AKAP12: variants seen among roughly 807,000 people sequenced by gnomAD.
AKAP12 encodes the protein A-kinase anchor protein 12.
Under a neutral mutation model 79.9 loss-of-function variants are expected in AKAP12, and 32 were observed. The ratio of observed to expected loss-of-function variants is 0.40; its 90% CI spans 0.30 to 0.54. The LOEUF (loss-of-function observed/expected upper bound fraction) is 0.54. AKAP12 is among the 20% of genes least tolerant of loss of function. AKAP12 has a pLI of 0.48. For missense variants in AKAP12, 2,074 were observed against 2,177.0 expected, an observed-to-expected ratio of 0.95 and a Z score of 0.94; for synonymous variants, 808 against 857.0, an observed-to-expected ratio of 0.94 and a Z score of 1.00.
At chr6:151,354,840 C>T (rs1483354059) in intron 4 of AKAP12, among the ~76,000 whole-genome samples, 3 of 152,014 alleles carry the variant, frequency 2.0e-5, no homozygotes, top group Admixed American at 6.6e-5. Flanking sequence ...GTCATTACTC[C>T]GAGCTAATTG....
chr6:151,268,287 C>T (rs543379692), intron 2 of AKAP12, among the ~76,000 whole-genome samples: 124 of 152,148 alleles, frequency 8.1e-4, no homozygotes, highest in African/African-American at 2.9e-3. Context: ...CGTGGTGGCA[C>T]GTGCCTGTAA....
chr6:151,253,042 G>C (rs1183727326), intron 2 of AKAP12, among the ~76,000 whole-genome samples: 2 of 152,134 alleles, frequency 1.3e-5, no homozygotes, highest in Non-Finnish European at 2.9e-5. Context: ...ATTTTTCTTT[G>C]TGTCTGAGCC....
At chr6:151,276,406 A>G (rs1172699688) in intron 2 of AKAP12, among the ~76,000 whole-genome samples, 1 of 152,220 alleles carries the variant, frequency 6.6e-6, no homozygotes, top group African/African-American at 2.4e-5. Context: ...TGATTAAGAC[A>G]TTTTCATAGC....
At chr6:151,324,046 G>A (rs1478221451) in intron 3 of AKAP12, 1 of 985,322 alleles carries the variant, frequency 1.0e-6, no homozygotes, top group Non-Finnish European at 1.2e-6. Context: ...GAGAGGAATG[G>A]CCAAGTTGCC....
In AKAP12 at chr6:151,348,947, A is replaced by T; in HGVS notation, c.556A>T (p.Lys186Ter). 1.9e-6 allele frequency: 3 copies of T among 1,614,056 alleles called. No homozygotes were observed. Among genetic ancestry groups the T allele is most frequent in the Non-Finnish European group, 2.5e-6 (3 of 1,180,002 alleles). The change falls in exon 4 of 5, where the codon AAA (lysine) becomes TAA (stop). Residue 186 changes from lysine to a stop codon, truncating the protein, a stop_gained. Coordinates refer to ENST00000402676, the MANE Select transcript of AKAP12 (RefSeq NM_005100.4). LOFTEE classifies it high-confidence loss of function. ...GTTTGTTGGCTTTAAATTCACTGTG[A>T]AAAAGGATAAGACAGAGAAGCCTGA... ...FKFVGFKFTVKKDKTEKPDTV... is the reference protein window; with the variant it reads ...FKFVGFKFTV
intron 3 of AKAP12, among the ~76,000 whole-genome samples, chr6:151,329,178 G>T (rs954967933): frequency 1.3e-5 from 2 of 151,928 alleles, no homozygotes. Context: ...GCAGTGGCGC[G>T]ATCTCAGCTC....
chr6:151,347,018 T>C (rs982258853), intron 3 of AKAP12, among the ~76,000 whole-genome samples: 2 of 152,234 alleles, frequency 1.3e-5, no homozygotes, highest in African/African-American at 4.8e-5. Flanking sequence ...TCTTTCTTTT[T>C]CTTTTTCACA....
intron 2 of AKAP12, among the ~76,000 whole-genome samples, chr6:151,246,081 G>A (rs143790429): frequency 1.3e-5 from 2 of 152,226 alleles, no homozygotes; most frequent in African/African-American, 2.4e-5. Context: ...GATTGTCCTC[G>A]TCCATAAGTG....
intron 4 of AKAP12, among the ~76,000 whole-genome samples, chr6:151,354,187 A>G (rs1371702303): frequency 6.6e-6 from 1 of 151,550 alleles, no homozygotes; most frequent in Non-Finnish European, 1.5e-5. Flanking sequence ...TAGTGCCCCC[A>G]AATGGGCTAA....
intron 2 of AKAP12, among the ~76,000 whole-genome samples, chr6:151,279,403 G>T (rs1406058908): frequency 1.3e-5 from 2 of 151,964 alleles, no homozygotes; most frequent in East Asian, 3.9e-4. Context: ...TTGAAGAACA[G>T]CTCTTCAGGT....
At chr6:151,331,966 C>T (rs944968019) in intron 3 of AKAP12, among the ~76,000 whole-genome samples, 3 of 149,884 alleles carry the variant, frequency 2.0e-5, no homozygotes, top group African/African-American at 4.9e-5. Flanking sequence ...CTGGGCTCAA[C>T]GATCCTCCTG....
At chr6:151,299,915 C>T (rs1215185283) in intron 2 of AKAP12, among the ~76,000 whole-genome samples, 1 of 152,160 alleles carries the variant, frequency 6.6e-6, no homozygotes, top group Non-Finnish European at 1.5e-5. Flanking sequence ...AGGCATGAGG[C>T]ACCACGCCCA....
chr6:151,327,118 ATTT>A (rs71922297), intron 3 of AKAP12, among the ~76,000 whole-genome samples: 2 of 141,026 alleles, frequency 1.4e-5, no homozygotes, highest in Non-Finnish European at 3.1e-5. Flanking sequence ...CCTGGCCTAC[ATTT>A]TTTTTTTTTT....
At chr6:151,279,585 C>A (rs1471225476) in intron 2 of AKAP12, among the ~76,000 whole-genome samples, 2 of 151,992 alleles carry the variant, frequency 1.3e-5, no homozygotes, top group Non-Finnish European at 1.5e-5. Context: ...AGAAGGCATT[C>A]TATAACATTT....
chr6:151,240,480 C>T lies in AKAP12; in HGVS notation c.-83C>T. 1 of 1,306,772 alleles carries T rather than the reference C, an allele frequency of 7.7e-7. No individual in the cohort carries two copies. The highest frequency in any genetic ancestry group is 9.7e-7 in the Non-Finnish European group (1 of 1,025,952). 80.9% of individuals were successfully genotyped at this position (1,306,772 alleles called of 1,614,324 possible). ...GCGCTCTCGGGACCTCGCGGGCGCG[C>T]GTCTTTTGGCTCTTGCCCCTGTCCC... On this transcript the variant is annotated 5_prime_UTR_variant, in exon 2 of 5. Transcript: ENST00000402676.
At chr6:151,325,561 C>T (rs1777501149) in intron 3 of AKAP12, 2 of 1,281,836 alleles carry the variant, frequency 1.6e-6, no homozygotes, top group Non-Finnish European at 2.0e-6. Context: ...TTTGCGCTCC[C>T]GAAGTCCTGG....
intron 3 of AKAP12, among the ~76,000 whole-genome samples, chr6:151,320,522 C>A (rs1306819250): frequency 6.6e-6 from 1 of 152,154 alleles, no homozygotes; most frequent in Non-Finnish European, 1.5e-5. Context: ...TGCCCCTAAT[C>A]CCTGTCCATT....
Position 151,350,250 on chromosome 6 carries a change from A to G in AKAP12, c.1859A>G (p.Lys620Arg). The G allele has an allele frequency of 6.2e-7, 1 of 1,614,090 alleles. No homozygotes were observed. The highest frequency in any genetic ancestry group is 1.1e-5 in the South Asian group (1 of 91,072). Residue 620 changes from lysine to arginine, a missense_variant, in exon 4 of 5, where the codon AAG becomes AGG. By Grantham distance (26) the Lys-to-Arg change is conservative. Around this residue, in one of 3 missense-constraint regions of AKAP12, gnomAD observed 1,428 missense variants for 1,451.0 expected, o/e 0.98. Transcript: ENST00000402676. The surrounding 1 kb of genome is among the most constrained non-coding windows in gnomAD (Gnocchi z 4.8). The stretch of plus-strand genomic sequence containing the variant: ...TCATTCAAAAAGATGGTGACGCCCA[A>G]GAAGCGTGTTAGACGGCCTTCGGAA... ...WASFKKMVTP[K>R]KRVRRPSESD...
intron 2 of AKAP12, among the ~76,000 whole-genome samples, chr6:151,259,462 A>C (rs951084403): frequency 7.5e-6 from 1 of 133,062 alleles, no homozygotes; most frequent in South Asian, 2.3e-4. Flanking sequence ...ATACACACAT[A>C]TATACATGTA....
Sources: allele counts gnomAD v4.1 joint callset (sites outside exome capture counted in the v4.1 genomes callset), GRCh38; gene constraint gnomAD v4.1.1; regional missense constraint gnomAD v4.1.1; non-coding constraint Gnocchi (gnomAD v3.1); transcripts MANE v1.5; gene names NCBI Gene and HGNC (gene_info 2026-07-23, HGNC 2026-07-21).